The following SPMIP2 variants were observed in gnomAD, a reference collection of about 807,000 sequenced individuals.
SPMIP2 encodes sperm microtubule inner protein 2.
the SPMIP2 span, among the ~76,000 whole-genome samples, chr4:158,979,203 G>A: frequency 1.2e-4 from 19 of 152,072 alleles, no homozygotes; most frequent in African/African-American, 4.1e-4. Flanking sequence ...CCCCTACCCC[G>A]CCACCAAGCT....
the SPMIP2 span, among the ~76,000 whole-genome samples, chr4:159,044,787 T>C: frequency 6.6e-6 from 1 of 152,166 alleles, no homozygotes; most frequent in African/African-American, 2.4e-5. Flanking sequence ...TTTTCTTTAG[T>C]GTGTTAAAGT....
the SPMIP2 span, among the ~76,000 whole-genome samples, chr4:158,939,398 T>C: frequency 3.3e-5 from 5 of 152,330 alleles, no homozygotes; most frequent in South Asian, 1.0e-3. Context: ...TCTATCCTAC[T>C]TACTAATCTC....
At chr4:159,054,028 T>C in the SPMIP2 span, among the ~76,000 whole-genome samples, 2 of 152,142 alleles carry the variant, frequency 1.3e-5, no homozygotes, top group Non-Finnish European at 2.9e-5. Context: ...GGCTGGAGTA[T>C]AGTGGTGCAA....
chr4:159,029,513 C>T, the SPMIP2 span, among the ~76,000 whole-genome samples: 1 of 152,102 alleles, frequency 6.6e-6, no homozygotes, highest in African/African-American at 2.4e-5. Flanking sequence ...AATTTCAATT[C>T]CTTTATTAAT....
the SPMIP2 span, among the ~76,000 whole-genome samples, chr4:159,063,114 G>C: frequency 2.0e-5 from 3 of 152,136 alleles, no homozygotes; most frequent in African/African-American, 7.2e-5. Flanking sequence ...TACAGAATAA[G>C]ATGTTAGGGT....
the SPMIP2 span, among the ~76,000 whole-genome samples, chr4:158,967,730 A>G: frequency 3.3e-5 from 5 of 152,214 alleles, no homozygotes; most frequent in Non-Finnish European, 7.3e-5. Flanking sequence ...AAATGCAGAA[A>G]TTCTGAAATA....
chr4:158,997,246 T>G, the SPMIP2 span, among the ~76,000 whole-genome samples: 6 of 151,848 alleles, frequency 4.0e-5, no homozygotes, highest in African/African-American at 9.7e-5. Flanking sequence ...TTTTTTTTTT[T>G]TGAGATGAAG....
At chr4:158,903,106 C>T in the SPMIP2 span, among the ~76,000 whole-genome samples, 39 of 152,314 alleles carry the variant, frequency 2.6e-4, no homozygotes, top group Middle Eastern at 0.01. Flanking sequence ...AACCCAGGGC[C>T]CTGATTGTGT....
chr4:159,026,567 T>C, the SPMIP2 span: 1 of 484,258 alleles, frequency 2.1e-6, no homozygotes, highest in Non-Finnish European at 3.9e-6. Context: ...GCTATGAAAA[T>C]CAACAAGCTC....
the SPMIP2 span, among the ~76,000 whole-genome samples, chr4:159,019,587 C>T: frequency 2.6e-5 from 4 of 152,134 alleles, no homozygotes; most frequent in Non-Finnish European, 4.4e-5. Flanking sequence ...ACTGGAGAGG[C>T]TGCCTGGCCA....
At chr4:159,061,449 T>C in the SPMIP2 span, among the ~76,000 whole-genome samples, 1 of 151,966 alleles carries the variant, frequency 6.6e-6, no homozygotes, top group Non-Finnish European at 1.5e-5. Flanking sequence ...GGGAGACACA[T>C]GGCATGGGCG....
the SPMIP2 span, chr4:159,035,074 T>G: frequency 6.2e-7 from 1 of 1,613,358 alleles, no homozygotes; most frequent in South Asian, 1.1e-5. Context: ...AGATGTTGGC[T>G]TTTGGTATGA....
At chr4:158,960,253 G>T in the SPMIP2 span, 1 of 1,260,380 alleles carries the variant, frequency 7.9e-7, no homozygotes, top group Non-Finnish European at 1.1e-6. Context: ...AAGAAACACA[G>T]TAATTAATAA....
the SPMIP2 span, chr4:158,909,574 G>GTT: frequency 9.8e-4 from 134 of 136,676 alleles, no homozygotes; most frequent in Non-Finnish European, 1.3e-3. Flanking sequence ...TACTGTGATG[G>GTT]TTTTTTTTTT....
At chr4:158,980,129 C>T in the SPMIP2 span, among the ~76,000 whole-genome samples, 2 of 152,154 alleles carry the variant, frequency 1.3e-5, no homozygotes, top group East Asian at 3.9e-4. Context: ...CTCAGCAAAG[C>T]CACTGTGGCC....
chr4:159,032,817 A>C, the SPMIP2 span, among the ~76,000 whole-genome samples: 1 of 151,372 alleles, frequency 6.6e-6, no homozygotes, highest in Non-Finnish European at 1.5e-5. Flanking sequence ...TCAAAAACAG[A>C]CAATACCAAA....
chr4:158,947,093 G>A, the SPMIP2 span, among the ~76,000 whole-genome samples: 4 of 152,166 alleles, frequency 2.6e-5, no homozygotes, highest in Non-Finnish European at 5.9e-5. Flanking sequence ...TGGGAAGACA[G>A]TTTTTACTGA....
chr4:158,938,085 AT>A, the SPMIP2 span, among the ~76,000 whole-genome samples: 2 of 152,208 alleles, frequency 1.3e-5, no homozygotes, highest in Non-Finnish European at 1.5e-5. Flanking sequence ...GGTAAGAATT[AT>A]TTAAATTTCT....
chr4:158,930,543 G>A, the SPMIP2 span, among the ~76,000 whole-genome samples: 20 of 151,120 alleles, frequency 1.3e-4, no homozygotes, highest in Admixed American at 2.6e-4. Context: ...TCACCCAGGA[G>A]TGTAGTGGTG....
Sources: allele counts gnomAD v4.1 joint callset (sites outside exome capture counted in the v4.1 genomes callset), GRCh38; gene constraint gnomAD v4.1.1; transcripts MANE v1.5; gene names NCBI Gene and HGNC (gene_info 2026-07-23, HGNC 2026-07-21).